The following TRAP1 variants were observed in gnomAD, a reference collection of about 807,000 sequenced individuals.
TRAP1 encodes TNF receptor associated protein 1.
TRAP1 carries 102 observed loss-of-function variants against 89.1 expected under a neutral mutation model. That is an observed-to-expected ratio of 1.15 (90% CI 0.98 to 1.35). The LOEUF (loss-of-function observed/expected upper bound fraction) is 1.35, where lower values mean the gene tolerates loss of function less well. Ranked by LOEUF, TRAP1 falls within the 40% of genes most tolerant of loss-of-function variation. The probability of loss-of-function intolerance (pLI) is 0.00; values close to 1 mark genes in which losing one functional copy is unlikely to be tolerated. For synonymous variants in TRAP1, 508 were observed against 388.0 expected (o/e 1.31, Z -3.64); for missense variants, 1,256 against 945.3 (o/e 1.33, Z -4.31).
intron 11 of TRAP1, among the ~76,000 whole-genome samples, chr16:3,670,685 CAAGA>C (rs1351142970): frequency 6.6e-6 from 1 of 152,152 alleles, no homozygotes; most frequent in Non-Finnish European, 1.5e-5. Context: ...ACCTGGACAA[CAAGA>C]AAGACCCTAT....
chr16:3,666,359 C>G (rs1012649045), intron 11 of TRAP1, among the ~76,000 whole-genome samples: 5 of 118,858 alleles, frequency 4.2e-5, no homozygotes, highest in African/African-American at 2.2e-4. Flanking sequence ...CCGATGCCCC[C>G]AGAGACAAGA....
At chr16:3,685,974 G>C in intron 4 of TRAP1, 22 bp downstream of exon 4, 1 of 1,611,878 alleles carries the variant, frequency 6.2e-7, no homozygotes, top group Non-Finnish European at 8.5e-7. Flanking sequence ...CCTGCCACAC[G>C]CCTGGACACT....
In TRAP1 at chr16:3,658,476, G is replaced by A. The variant is rs1567215628; in HGVS notation, c.2014-246C>T. 9 of 580,184 alleles carry A rather than the reference G, an allele frequency of 1.6e-5. No individual in the cohort carries two copies. The East Asian group carries it at 2.6e-4, about 17-fold the overall frequency. The allele number at this position is 580,184 out of a possible 1,614,324, so 35.9% of individuals were successfully genotyped here. The stretch of plus-strand genomic sequence containing the variant: ...GGCACGGTGGCTCACGAGGTCAGGA[G>A]ATTGAGACCATCCTGGCCAAGATGG... On this transcript the variant is annotated intron_variant, in intron 17 of 17. Coordinates refer to ENST00000246957, the MANE Select transcript of TRAP1 (RefSeq NM_016292.3).
chr16:3,714,935 G>C (rs1185668062), intron 1 of TRAP1, among the ~76,000 whole-genome samples: 2 of 152,152 alleles, frequency 1.3e-5, no homozygotes, highest in Non-Finnish European at 2.9e-5. Context: ...TGTTGCACAA[G>C]ACATGTATTT....
intron 1 of TRAP1, among the ~76,000 whole-genome samples, chr16:3,692,598 T>A (rs1240029735): frequency 6.9e-6 from 1 of 144,100 alleles, no homozygotes; most frequent in East Asian, 2.0e-4. Flanking sequence ...AACTTGCCTT[T>A]TTTTTTTTTT....
rs769685678 is a variant in TRAP1 at position 3,690,826 on chromosome 16, C to G, written c.247+1G>C. On this transcript the variant is annotated splice_donor_variant, in intron 2 of 17. Transcript: ENST00000246957. LOFTEE classifies it high-confidence loss of function. ...CAGACCAAAGCACGAGCCAAGGCTA[C>G]CCTGCACGCTCTCTGTGCTGCTGAT... The G allele has an allele frequency of 2.1e-6, 3 of 1,457,678 alleles. No homozygotes were observed. The highest frequency in any genetic ancestry group is 2.7e-6 in the Non-Finnish European group (3 of 1,097,910). The allele number at this position is 1,457,678 out of a possible 1,614,324, so 90.3% of individuals were successfully genotyped here.
chr16:3,672,964 G>A, intron 9 of TRAP1, 144 bp from the exon 10 acceptor site: 2 of 1,296,036 alleles, frequency 1.5e-6, no homozygotes, highest in Non-Finnish European at 2.1e-6. Flanking sequence ...GAAGCCCAGT[G>A]CAGGGGCCCC....
intron 1 of TRAP1, among the ~76,000 whole-genome samples, chr16:3,712,547 T>C (rs1347538292): frequency 6.6e-6 from 1 of 152,138 alleles, no homozygotes; most frequent in Non-Finnish European, 1.5e-5. Flanking sequence ...TCTTTTGTCT[T>C]AGCTTAGGCC....
At chr16:3,661,457 T>A (rs1288309400) in intron 16 of TRAP1, 1 of 151,818 alleles carries the variant, frequency 6.6e-6, no homozygotes, top group African/African-American at 2.4e-5. Flanking sequence ...CCCAGACACG[T>A]GGACAAGAAT....
intron 11 of TRAP1, among the ~76,000 whole-genome samples, chr16:3,671,193 A>G (rs1464403970): frequency 1.3e-5 from 2 of 152,062 alleles, no homozygotes; most frequent in Non-Finnish European, 2.9e-5. Flanking sequence ...GTGGCTGCCA[A>G]TCTACCCCAC....
intron 4 of TRAP1, among the ~76,000 whole-genome samples, chr16:3,685,734 C>T (rs1478309979): frequency 6.6e-6 from 1 of 152,132 alleles, no homozygotes; most frequent in Non-Finnish European, 1.5e-5. Flanking sequence ...TACCAAAACC[C>T]TGTGTGGCCA....
rs909154228 is a variant in TRAP1 at position 3,662,251 on chromosome 16, T to TC, written c.1795-120dup. 9.7e-6 allele frequency: 12 copies of TC among 1,243,202 alleles called. No individual in the cohort carries two copies. The African/African-American group carries it at 1.8e-4, about 19-fold the overall frequency. The allele number at this position is 1,243,202 out of a possible 1,614,324, so 77.0% of individuals were successfully genotyped here. ...AGGTAGCAGGCGGGGTCTCAAGGAC[T>TC]CCCCTGGACCAGCGCTGCTCCCTCC... On this transcript the variant is annotated intron_variant, in intron 15 of 17. Coordinates refer to ENST00000246957, the MANE Select transcript of TRAP1 (RefSeq NM_016292.3).
At chr16:3,681,509 A>T (rs906698780) in intron 4 of TRAP1, among the ~76,000 whole-genome samples, 1 of 152,258 alleles carries the variant, frequency 6.6e-6, no homozygotes, top group South Asian at 2.1e-4. Flanking sequence ...GCAGCCAACA[A>T]GAAACATGGC....
chr16:3,690,897 G>T lies in TRAP1; in HGVS notation c.177C>A (p.Phe59Leu). The T allele has an allele frequency of 1.3e-6, 2 of 1,593,500 alleles. No homozygotes were observed. Among genetic ancestry groups the T allele is most frequent in the Non-Finnish European group, 1.7e-6 (2 of 1,170,178 alleles). ...CCTTGTCCTCGGCGGTCTGCGTGCT[G>T]AACAGTCGTCCTGCCTGCAAGCTCC... ...PAWSLQAGRLFSTQTAEDKEE... is the reference protein window; with the variant it reads ...PAWSLQAGRLLSTQTAEDKEE... Residue 59 changes from phenylalanine (F) to leucine (L), a missense_variant, in exon 2 of 18, where the codon TTC (phenylalanine) becomes TTA (leucine). Coordinates refer to ENST00000246957, the MANE Select transcript of TRAP1 (RefSeq NM_016292.3).
At position 3,705,079 on chromosome 16, in the gene TRAP1, T is replaced by C. The variant is rs114635685; in HGVS notation, c.88+12342A>G. On this transcript the variant is annotated intron_variant, in intron 1 of 17. Coordinates refer to ENST00000246957, the MANE Select transcript of TRAP1 (RefSeq NM_016292.3). ...ACCACTAACCACAGAACATTTTTTT[T>C]TTTGAGACGGAGTCTCGCTCTGTCG... Among the ~76,000 whole-genome samples, 636 of 152,286 alleles carry C rather than the reference T, an allele frequency of 4.2e-3. 4 individuals are homozygous for C. The highest frequency in any genetic ancestry group is 0.015 in the African/African-American group (610 of 41,546).
At chr16:3,658,254 A>AT in intron 17 of TRAP1, 24 bp from the exon 18 acceptor site, 1 of 1,575,272 alleles carries the variant, frequency 6.3e-7, no homozygotes, top group East Asian at 2.2e-5. Flanking sequence ...GGAGAAACCC[A>AT]TTATGAGGGG....
In TRAP1 at chr16:3,662,392, C is replaced by T. The variant is rs769078243; in HGVS notation, c.1795-260G>A. 92 of 578,624 alleles carry T rather than the reference C, an allele frequency of 1.6e-4. No homozygotes were observed. The East Asian group carries it at 2.0e-3, about 12-fold the overall frequency. 35.8% of individuals were successfully genotyped at this position (578,624 alleles called of 1,614,324 possible). A position where few individuals can be genotyped will look rare whatever the true frequency, so the allele number is the denominator to read the frequency against. On this transcript the variant is annotated intron_variant, in intron 15 of 17. Transcript: ENST00000246957. ...GCCTCCAGGAGCTGCCCGAATCCATCGTCCTCTGCTCCATGCCAGCCCACC... is the reference window on the plus strand; with the variant it reads ...GCCTCCAGGAGCTGCCCGAATCCATTGTCCTCTGCTCCATGCCAGCCCACC...
At chr16:3,713,830 G>A (rs1361201227) in intron 1 of TRAP1, among the ~76,000 whole-genome samples, 1 of 152,218 alleles carries the variant, frequency 6.6e-6, no homozygotes, top group African/African-American at 2.4e-5. Flanking sequence ...TTGGAGCTCT[G>A]ACGAAAAGCT....
At chr16:3,715,047 G>A (rs965822785) in intron 1 of TRAP1, among the ~76,000 whole-genome samples, 1 of 152,216 alleles carries the variant, frequency 6.6e-6, no homozygotes, top group African/African-American at 2.4e-5. Context: ...GCAGAAGGCT[G>A]CCAAGAACAT....
Sources: gnomAD v4.1 joint callset for allele counts (sites outside exome capture counted in the v4.1 genomes callset) on GRCh38, gnomAD v4.1.1 for gene constraint, MANE v1.5 for transcripts, NCBI Gene and HGNC (gene_info 2026-07-23, HGNC 2026-07-21) for gene names.